SESN2: variants seen among roughly 807,000 people sequenced by gnomAD.
SESN2 encodes the protein sestrin 2.
Under a neutral mutation model 56.0 loss-of-function variants are expected in SESN2, and 42 were observed. The observed-to-expected ratio is 0.75, with a 90% CI of 0.59 to 0.97. The LOEUF (loss-of-function observed/expected upper bound fraction) is 0.97, where lower values mean the gene tolerates loss of function less well. Ranked by LOEUF, SESN2 falls within the 50% of genes least tolerant of loss-of-function variation. The pLI, the probability that SESN2 is intolerant of heterozygous loss-of-function variation, is 0.00. For synonymous variants in SESN2, 264 were observed against 267.1 expected, an observed-to-expected ratio of 0.99 and a Z score of 0.11; for missense variants, 507 against 649.4, an observed-to-expected ratio of 0.78 and a Z score of 2.38.
chr1:28,259,924 CG>C lies in SESN2; in HGVS notation c.80del (p.Gly27AlafsTer44). 6.7e-7 allele frequency: 1 copy of C among 1,483,534 alleles called. No homozygotes were observed. 91.9% of individuals were successfully genotyped at this position (1,483,534 alleles called of 1,614,324 possible). A position where few individuals can be genotyped will look rare whatever the true frequency, so the allele number is the denominator to read the frequency against. On this transcript the variant is annotated frameshift_variant, in exon 1 of 10. Transcript: ENST00000253063. LOFTEE classifies it high-confidence loss of function. ...TTCGCCCCGGGCGGCGTCGGCGACT[CG>C]GGCCCCGGAGAGGTAAGCGGCGGCC... ...LRFAPGGVGD[S>X]GPGEEQRESR...
chr1:28,273,351 C>T lies in SESN2; in HGVS notation c.751-7C>T. On this transcript the variant is annotated splice_region_variant and splice_polypyrimidine_tract_variant and intron_variant, in intron 5 of 9. Coordinates refer to ENST00000253063, the MANE Select transcript of SESN2 (RefSeq NM_031459.5). ...AGTAGCTGGTCACCACGGGGCCTCT[C>T]CTGCAGGGCTTTGAGTCTGCCCGCG... is the stretch of plus-strand genomic sequence containing the variant. The T allele has an allele frequency of 1.3e-6, 2 of 1,580,238 alleles. No individual in the cohort carries two copies. Among genetic ancestry groups the T allele is most frequent in the Non-Finnish European group, 1.7e-6 (2 of 1,162,692 alleles).
intron 1 of SESN2, among the ~76,000 whole-genome samples, chr1:28,263,619 T>C (rs1647457919): frequency 1.3e-5 from 2 of 152,016 alleles, no homozygotes; most frequent in Non-Finnish European, 2.9e-5. Context: ...GAATAAAGTC[T>C]GGGGCTTCTC....
chr1:28,271,961 T>G (rs981322622), intron 3 of SESN2, 90 bp downstream of exon 3: 11 of 1,265,640 alleles, frequency 8.7e-6, no homozygotes, highest in Non-Finnish European at 1.3e-5. Flanking sequence ...GTGAGCTGAT[T>G]CCATAGACAA....
intron 9 of SESN2, among the ~76,000 whole-genome samples, chr1:28,279,870 T>C (rs944296454): frequency 3.3e-5 from 5 of 151,894 alleles, no homozygotes. Flanking sequence ...TGTTTTTTTT[T>C]TGAGACAGAG....
At position 28,270,497 on chromosome 1, in the gene SESN2, G is replaced by A. The variant is rs567144674; in HGVS notation, c.157-1177G>A. 1.4e-4 allele frequency among the ~76,000 whole-genome samples: 21 copies of A among 152,092 alleles called. No homozygotes were observed. In the South Asian group the frequency reaches 1.5e-3, roughly 11 times the overall value. On this transcript the variant is annotated intron_variant, in intron 2 of 9. Coordinates refer to ENST00000253063, the MANE Select transcript of SESN2 (RefSeq NM_031459.5). ...AATATAAGGCGAACAACCACTTGCC[G>A]ATTATTTATGTCTGTGACCCAGAAT...
chr1:28,279,521 C>T (rs992626233), intron 9 of SESN2, among the ~76,000 whole-genome samples: 1 of 151,782 alleles, frequency 6.6e-6, no homozygotes, highest in Non-Finnish European at 1.5e-5. Flanking sequence ...GTGTGACTTT[C>T]GGCAAGTCAC....
Position 28,280,897 on chromosome 1 carries a change from C to T in SESN2, c.*95C>T. The T allele has an allele frequency of 1.1e-6, 1 of 916,518 alleles. No homozygotes were observed. The highest frequency in any genetic ancestry group is 1.8e-6 in the Non-Finnish European group (1 of 567,158). The allele number at this position is 916,518 out of a possible 1,614,324, so 56.8% of individuals were successfully genotyped here. ...CCTTTTGTGTCCCATGCCCACCCTC[C>T]CCACGCTGCAGTGGGCTTGTGTGTG... is the stretch of plus-strand genomic sequence containing the variant. On this transcript the variant is annotated 3_prime_UTR_variant, in exon 10 of 10. Transcript: ENST00000253063.
intron 9 of SESN2, 50 bp from the exon 10 acceptor site, chr1:28,280,666 G>T: frequency 7.1e-7 from 1 of 1,408,238 alleles, no homozygotes; most frequent in South Asian, 1.2e-5. Context: ...GGAGGGGTGT[G>T]GGGGTGAGGA....
intron 4 of SESN2, 34 bp downstream of exon 4, chr1:28,272,500 G>A (rs1359781363): frequency 6.2e-7 from 1 of 1,609,542 alleles, no homozygotes; most frequent in African/African-American, 1.3e-5. Flanking sequence ...GTCTGAGGGA[G>A]CACAGAGGCC....
chr1:28,273,944 A>G (rs562375002), intron 6 of SESN2, 96 bp from the exon 7 acceptor site: 1 of 834,752 alleles, frequency 1.2e-6, no homozygotes, highest in African/African-American at 1.7e-5. Flanking sequence ...TTGGCCCTCT[A>G]TTCTGCCTTC....
At chr1:28,274,775 G>A in intron 7 of SESN2, 50 bp from the exon 8 acceptor site, 1 of 1,439,812 alleles carries the variant, frequency 6.9e-7, no homozygotes, top group Non-Finnish European at 9.6e-7. Flanking sequence ...GGGTCTCTCT[G>A]GCTGGTCTTG....
chr1:28,278,989 C>A (rs773866533), intron 8 of SESN2, 108 bp from the exon 9 acceptor site: 193 of 1,093,488 alleles, frequency 1.8e-4, no homozygotes, highest in Non-Finnish European at 3.4e-5. Flanking sequence ...CTTCTACCTT[C>A]TGATTTTTCT....
chr1:28,276,526 T>C (rs1648046315), intron 8 of SESN2, among the ~76,000 whole-genome samples: 1 of 151,396 alleles, frequency 6.6e-6, no homozygotes, highest in African/African-American at 2.4e-5. Context: ...TTATACTATC[T>C]GCTGTTATTA....
intron 3 of SESN2, 66 bp from the exon 4 acceptor site, chr1:28,272,218 G>A (rs2149038691): frequency 6.5e-7 from 1 of 1,545,672 alleles, no homozygotes; most frequent in Non-Finnish European, 8.9e-7. Context: ...CCCCTGATGG[G>A]GTACCCACCC....
At chr1:28,261,215 T>C (rs1355644225) in intron 1 of SESN2, among the ~76,000 whole-genome samples, 1 of 152,174 alleles carries the variant, frequency 6.6e-6, no homozygotes, top group African/African-American at 2.4e-5. Context: ...GTTTGTGCCC[T>C]GGTTTTTGTT....
In SESN2 at chr1:28,279,139, G is replaced by T. The variant is rs1445604946; in HGVS notation, c.1254G>T (p.Glu418Asp). ...YDYGEVNQLL[E>D]RNLKVYIKTV... ...ATGGGGAGGTGAACCAGCTCCTGGA[G>T]CGGAACCTCAAGGTCTATATCAAGA... Residue 418 changes from glutamate (E) to aspartate (D), a missense_variant, in exon 9 of 10, where the codon GAG becomes GAT. Coordinates refer to ENST00000253063, the MANE Select transcript of SESN2 (RefSeq NM_031459.5). The T allele has an allele frequency of 6.2e-7, 1 of 1,614,156 alleles. No individual in the cohort carries two copies. Among genetic ancestry groups the T allele is most frequent in the Non-Finnish European group, 8.5e-7 (1 of 1,180,002 alleles).
At chr1:28,277,752 G>A (rs1257611137) in intron 8 of SESN2, among the ~76,000 whole-genome samples, 1 of 152,140 alleles carries the variant, frequency 6.6e-6, no homozygotes, top group African/African-American at 2.4e-5. Context: ...GAAAGTTTGT[G>A]TTTCTGTGTA....
chr1:28,270,661 T>C (rs1181963950), intron 2 of SESN2, among the ~76,000 whole-genome samples: 1 of 151,926 alleles, frequency 6.6e-6, no homozygotes, highest in East Asian at 1.9e-4. Context: ...AACCTCTGCC[T>C]CCCAGGTTCA....
chr1:28,280,855 T>C lies in SESN2; in HGVS notation c.*53T>C. On this transcript the variant is annotated 3_prime_UTR_variant, in exon 10 of 10. Coordinates refer to ENST00000253063, the MANE Select transcript of SESN2 (RefSeq NM_031459.5). The stretch of plus-strand genomic sequence containing the variant: ...AGCTCCCCACAAGGACTTCTCTGTC[T>C]GGAGACAGCCCCAGACCCTTTTGTG... 7.1e-7 allele frequency: 1 copy of C among 1,408,850 alleles called. No individual in the cohort carries two copies. The highest frequency in any genetic ancestry group is 1.1e-5 in the South Asian group (1 of 87,068). 87.3% of individuals were successfully genotyped at this position (1,408,850 alleles called of 1,614,324 possible). A position where few individuals can be genotyped will look rare whatever the true frequency, so the allele number is the denominator to read the frequency against.
Sources: gnomAD v4.1 joint callset for allele counts (sites outside exome capture counted in the v4.1 genomes callset) on GRCh38, gnomAD v4.1.1 for gene constraint, MANE v1.5 for transcripts, NCBI Gene and HGNC (gene_info 2026-07-23, HGNC 2026-07-21) for gene names.